LIMS2: variants seen among roughly 807,000 people sequenced by gnomAD.
LIMS2 encodes the protein LIM zinc finger domain containing 2.
Under a neutral mutation model 45.3 loss-of-function variants are expected in LIMS2, and 30 were observed. The ratio of observed to expected loss-of-function variants is 0.66; its 90% CI spans 0.50 to 0.90. The LOEUF is 0.90. Ranked by LOEUF, LIMS2 falls within the 40% of genes least tolerant of loss-of-function variation. The pLI, the probability that LIMS2 is intolerant of heterozygous loss-of-function variation, is 0.00. For synonymous variants in LIMS2, 173 were observed against 188.0 expected (o/e 0.92, Z 0.65); for missense variants, 485 against 468.7 (o/e 1.03, Z -0.32).
Position 127,647,233 on chromosome 2 carries a change from T to C in LIMS2, c.360-4161A>G, listed in dbSNP as rs61356487. 0.031 allele frequency among the ~76,000 whole-genome samples: 4,647 copies of C among 151,988 alleles called. 100 individuals carry two copies. The highest frequency in any genetic ancestry group is 0.061 in the African/African-American group (2,522 of 41,430). The stretch of plus-strand genomic sequence containing the variant: ...TACATGGGCCCCTAAAATGAGGGAG[T>C]GGCCCCAGGGCCAGGAGGGGGTGCT... On this transcript the variant is annotated intron_variant, in intron 4 of 9. Coordinates refer to ENST00000355119, the MANE Select transcript of LIMS2 (RefSeq NM_001161403.3). This position sits in a 1 kb window ranked among gnomAD's most constrained non-coding sequence, Gnocchi z 4.3.
At chr2:127,651,443 G>A in intron 4 of LIMS2, 1 of 1,612,852 alleles carries the variant, frequency 6.2e-7, no homozygotes, top group Middle Eastern at 1.6e-4. Flanking sequence ...CAGTGCGCAT[G>A]ATCGCCATAG....
chr2:127,676,733 T>C (rs1685511578), upstream of LIMS2, among the ~76,000 whole-genome samples: 1 of 152,194 alleles, frequency 6.6e-6, no homozygotes, highest in Non-Finnish European at 1.5e-5. Flanking sequence ...TTGATTAAGC[T>C]TAAGTATGGA....
At chr2:127,673,610 C>T in intron 1 of LIMS2, 1 of 1,487,446 alleles carries the variant, frequency 6.7e-7, no homozygotes, top group Non-Finnish European at 9.2e-7. Flanking sequence ...CATTCCAGCC[C>T]CGCACCCTTC....
Position 127,664,651 on chromosome 2 carries a change from G to C in LIMS2, c.12-7089C>G, listed in dbSNP as rs1573838431. 3 of 1,067,846 alleles carry C rather than the reference G, an allele frequency of 2.8e-6. No individual in the cohort carries two copies. The highest frequency in any genetic ancestry group is 3.4e-6 in the Non-Finnish European group (3 of 880,502). The allele number at this position is 1,067,846 out of a possible 1,614,324, so 66.1% of individuals were successfully genotyped here. ...CTGAGGCTGGCGGGGGTTGGGTCCC[G>C]CTGGGAGGGGACTGGTCTGGGAAGG... is the stretch of plus-strand genomic sequence containing the variant. On this transcript the variant is annotated intron_variant, in intron 1 of 9. Coordinates refer to ENST00000355119, the MANE Select transcript of LIMS2 (RefSeq NM_001161403.3). This position sits in a 1 kb window ranked among gnomAD's most constrained non-coding sequence, Gnocchi z 5.5.
intron 1 of LIMS2, among the ~76,000 whole-genome samples, chr2:127,661,873 A>G (rs1280363614): frequency 6.6e-6 from 1 of 152,172 alleles, no homozygotes; most frequent in African/African-American, 2.4e-5. Context: ...AGGGTCACAG[A>G]GGATTGGACT....
Position 127,642,380 on chromosome 2 carries a change from G to A in LIMS2, c.510-181C>T. On this transcript the variant is annotated intron_variant, in intron 5 of 9. Coordinates refer to ENST00000355119, the MANE Select transcript of LIMS2 (RefSeq NM_001161403.3). The surrounding 1 kb of genome is among the most constrained non-coding windows in gnomAD (Gnocchi z 5.3). Reference sequence around the variant, plus strand: ...ACTTCCTGTGCCCCAGACAGGCCCTGGAGCACAGACTTCCTGCACAGCCCA... The same window carrying A: ...ACTTCCTGTGCCCCAGACAGGCCCTAGAGCACAGACTTCCTGCACAGCCCA... The A allele has an allele frequency of 1.6e-6, 1 of 640,068 alleles. No homozygotes were observed. The highest frequency in any genetic ancestry group is 3.3e-5 in the Admixed American group (1 of 30,664). 39.6% of individuals were successfully genotyped at this position (640,068 alleles called of 1,614,324 possible).
chr2:127,652,867 C>G (rs78529786), intron 4 of LIMS2, among the ~76,000 whole-genome samples: 3 of 152,340 alleles, frequency 2.0e-5, no homozygotes, highest in African/African-American at 7.2e-5. Context: ...ACCGTCCTTA[C>G]GGCAACATGC....
At chr2:127,663,337 C>T (rs1172468771) in intron 1 of LIMS2, among the ~76,000 whole-genome samples, 1 of 152,228 alleles carries the variant, frequency 6.6e-6, no homozygotes, top group East Asian at 1.9e-4. Flanking sequence ...CCAGACCTGC[C>T]ATGCCAGCAC....
chr2:127,650,874 G>A (rs1430305575), intron 4 of LIMS2: 2 of 1,614,118 alleles, frequency 1.2e-6, no homozygotes, highest in East Asian at 2.2e-5. Flanking sequence ...CCTGGCTTTA[G>A]TTGGCAATAC....
intron 1 of LIMS2, among the ~76,000 whole-genome samples, chr2:127,658,073 C>T (rs1684380415): frequency 6.6e-6 from 1 of 152,168 alleles, no homozygotes; most frequent in Non-Finnish European, 1.5e-5. Flanking sequence ...ACATAACCAC[C>T]CAAACACAGA....
chr2:127,660,959 C>T (rs1573827715), intron 1 of LIMS2, among the ~76,000 whole-genome samples: 1 of 152,224 alleles, frequency 6.6e-6, no homozygotes, highest in African/African-American at 2.4e-5. Context: ...TGGCCACCTC[C>T]TTCCTGTGCC....
chr2:127,640,686 C>G, intron 7 of LIMS2: 1 of 601,618 alleles, frequency 1.7e-6, no homozygotes, highest in Non-Finnish European at 3.0e-6. Context: ...TCACACCAGC[C>G]CCAGAACATT....
Position 127,642,258 on chromosome 2 carries a change from G to A in LIMS2, c.510-59C>T. 2 of 1,428,304 alleles carry A rather than the reference G, an allele frequency of 1.4e-6. No homozygotes were observed. The highest frequency in any genetic ancestry group is 2.9e-5 in the South Asian group (2 of 67,822). The allele number at this position is 1,428,304 out of a possible 1,614,324, so 88.5% of individuals were successfully genotyped here. A position where few individuals can be genotyped will look rare whatever the true frequency, so the allele number is the denominator to read the frequency against. On this transcript the variant is annotated intron_variant, in intron 5 of 9. Transcript: ENST00000355119. The surrounding 1 kb of genome is among the most constrained non-coding windows in gnomAD (Gnocchi z 5.3). ...CCTGCCCTTCTGCAGGGTCATGCCA[G>A]CAGCGCCTCCACCCCAGGGCACGGC...
intron 4 of LIMS2, chr2:127,650,929 C>T (rs776982362): frequency 4.3e-6 from 7 of 1,613,914 alleles, no homozygotes; most frequent in Admixed American, 1.7e-5. Flanking sequence ...TCCGGGACCC[C>T]GGCCAACGTG....
Position 127,642,893 on chromosome 2 carries a change from C to A in LIMS2, c.509+30G>T. 7 of 1,548,018 alleles carry A rather than the reference C, an allele frequency of 4.5e-6. No individual in the cohort carries two copies. Among genetic ancestry groups the A allele is most frequent in the South Asian group, 1.2e-5 (1 of 84,076 alleles). ...TGGGCCAGCCCTGGCTCCCCGCCCC[C>A]ACAACTGCAGGGCCGGGCTGCGCAC... On this transcript the variant is annotated intron_variant, in intron 5 of 9. Coordinates refer to ENST00000355119, the MANE Select transcript of LIMS2 (RefSeq NM_001161403.3). The surrounding 1 kb of genome is among the most constrained non-coding windows in gnomAD (Gnocchi z 5.3).
chr2:127,640,535 G>T (rs777030318), intron 7 of LIMS2: 24 of 618,510 alleles, frequency 3.9e-5, no homozygotes, highest in Non-Finnish European at 6.3e-5. Flanking sequence ...TCCCCAGAAG[G>T]CCCCTCTGCT....
chr2:127,673,326 T>C (rs1445073895), intron 1 of LIMS2, among the ~76,000 whole-genome samples: 4 of 152,200 alleles, frequency 2.6e-5, no homozygotes, highest in Non-Finnish European at 5.9e-5. Flanking sequence ...GGTTTCTCCT[T>C]ATTCTCTAAG....
chr2:127,649,867 C>A, intron 4 of LIMS2: 1 of 697,844 alleles, frequency 1.4e-6, no homozygotes, highest in Non-Finnish European at 2.4e-6. Context: ...GCCAGTGTCT[C>A]TGACGCTGGG....
At chr2:127,640,204 C>T in intron 8 of LIMS2, 59 bp from the exon 9 acceptor site, 1 of 1,612,488 alleles carries the variant, frequency 6.2e-7, no homozygotes, top group Non-Finnish European at 8.5e-7. Context: ...CCCGGCTGGG[C>T]TCACAGCTGC....
Sources: allele counts gnomAD v4.1 joint callset (sites outside exome capture counted in the v4.1 genomes callset), GRCh38; gene constraint gnomAD v4.1.1; non-coding constraint Gnocchi (gnomAD v3.1); transcripts MANE v1.5; gene names NCBI Gene and HGNC (gene_info 2026-07-23, HGNC 2026-07-21).